OSBP: variants seen among roughly 807,000 people sequenced by gnomAD.
OSBP encodes the protein oxysterol binding protein.
A neutral mutation model predicts 96.6 loss-of-function variants in OSBP; 32 were observed. That is an observed-to-expected ratio of 0.33 (90% CI 0.25 to 0.45). OSBP has a LOEUF of 0.45. OSBP is among the 20% of genes least tolerant of loss of function. The probability of loss-of-function intolerance (pLI) is 1.00; values close to 1 mark genes in which losing one functional copy is unlikely to be tolerated. For missense variants in OSBP, 653 were observed against 1,029.7 expected, an observed-to-expected ratio of 0.63 and a Z score of 5.01; for synonymous variants, 369 against 389.6, an observed-to-expected ratio of 0.95 and a Z score of 0.62.
At chr11:59,607,957 A>G (rs961368033) in intron 3 of OSBP, among the ~76,000 whole-genome samples, 3 of 152,210 alleles carry the variant, frequency 2.0e-5, no homozygotes, top group African/African-American at 7.2e-5. Context: ...AACTAGTACT[A>G]TAAGGTTCTC....
intron 1 of OSBP, among the ~76,000 whole-genome samples, chr11:59,613,223 G>C (rs1031480875): frequency 3.3e-5 from 5 of 152,152 alleles, no homozygotes; most frequent in Non-Finnish European, 7.4e-5. Context: ...TTTATGGGTG[G>C]GACCACCTAA....
chr11:59,578,205 C>G lies in OSBP; in HGVS notation c.2004G>C (p.Gln668His), dbSNP rs2134649972. 1 of 1,614,220 alleles carries G rather than the reference C, an allele frequency of 6.2e-7. No individual in the cohort carries two copies. Among genetic ancestry groups the G allele is most frequent in the South Asian group, 1.1e-5 (1 of 91,088 alleles). The change falls in exon 12 of 14, where the codon CAG becomes CAC. Residue 668 changes from glutamine (Q) to histidine (H), a missense_variant. Physicochemically the swap from Gln to His is conservative, Grantham distance 24. Around this residue, in one of 6 missense-constraint regions of OSBP, gnomAD observed 169 missense variants for 251.5 expected, o/e 0.67. Transcript: ENST00000263847. Reference sequence around the variant, plus strand: ...TGCTTTCCTCTGCTTCATGGCCTCTCTGTCGAGCATCACCCCCATTTTCCC... The same window carrying G: ...TGCTTTCCTCTGCTTCATGGCCTCTGTGTCGAGCATCACCCCCATTTTCCC... ...VIGENGGDAR[Q>H]RGHEAEESRV... is the part of the protein sequence containing the mutation.
intron 9 of OSBP, among the ~76,000 whole-genome samples, chr11:59,584,622 G>C (rs1313485939): frequency 6.6e-6 from 1 of 152,150 alleles, no homozygotes; most frequent in Non-Finnish European, 1.5e-5. Flanking sequence ...CAACGAGCTA[G>C]AAATACAAGG....
intron 9 of OSBP, among the ~76,000 whole-genome samples, chr11:59,585,060 C>T (rs925280514): frequency 1.8e-4 from 27 of 152,180 alleles, no homozygotes; most frequent in African/African-American, 5.1e-4. Context: ...GCCGCCACCC[C>T]GTCTGGGAAG....
At chr11:59,580,817 C>A (rs190158801) in intron 10 of OSBP, among the ~76,000 whole-genome samples, 130 of 152,302 alleles carry the variant, frequency 8.5e-4, no homozygotes, top group African/African-American at 3.0e-3. Flanking sequence ...ACATGCCCAG[C>A]CCATTTTCCC....
chr11:59,601,170 A>G, intron 5 of OSBP, 113 bp downstream of exon 5: 1 of 661,884 alleles, frequency 1.5e-6, no homozygotes, highest in South Asian at 1.9e-5. Flanking sequence ...GACAATTATA[A>G]TACTCTCACT....
chr11:59,610,224 C>A (rs1051866087), intron 2 of OSBP, among the ~76,000 whole-genome samples, 157 bp downstream of exon 2: 1 of 152,182 alleles, frequency 6.6e-6, no homozygotes, highest in East Asian at 1.9e-4. Context: ...TGGTTGAGAA[C>A]CATCACTCCA....
At chr11:59,605,442 G>A (rs1051373281) in intron 3 of OSBP, among the ~76,000 whole-genome samples, 1 of 151,666 alleles carries the variant, frequency 6.6e-6, no homozygotes, top group African/African-American at 2.4e-5. Context: ...ACAGAGTCTC[G>A]CTCTGTCACC....
chr11:59,580,421 T>C, intron 10 of OSBP, 152 bp from the exon 11 acceptor site: 1 of 625,452 alleles, frequency 1.6e-6, no homozygotes, highest in Non-Finnish European at 2.8e-6. Flanking sequence ...TGCTATAGAA[T>C]CCCTATGTAA....
chr11:59,598,198 A>G (rs1428705519), intron 7 of OSBP, among the ~76,000 whole-genome samples: 1 of 152,188 alleles, frequency 6.6e-6, no homozygotes, highest in African/African-American at 2.4e-5. Context: ...AATTACTTCG[A>G]CATTTGCTAA....
At chr11:59,592,847 G>A (rs983122933) in intron 9 of OSBP, among the ~76,000 whole-genome samples, 2 of 151,186 alleles carry the variant, frequency 1.3e-5, no homozygotes, top group African/African-American at 4.9e-5. Flanking sequence ...CCAGGCTGGA[G>A]TGCAATAGTG....
chr11:59,615,735 C>A lies in OSBP; in HGVS notation c.-71G>T, dbSNP rs188776408. ...GCCGCCGTCGCCGCCCGGAGCGCCCCACACGGCTACCGCATCAGCCACCGC... is the reference window on the plus strand; with the variant it reads ...GCCGCCGTCGCCGCCCGGAGCGCCCAACACGGCTACCGCATCAGCCACCGC... On this transcript the variant is annotated 5_prime_UTR_variant, in exon 1 of 14. Transcript: ENST00000263847. 8.4e-4 allele frequency: 1,036 copies of A among 1,238,274 alleles called. 7 individuals carry two copies. In the African/African-American group the frequency reaches 0.013, roughly 15 times the overall value. The allele number at this position is 1,238,274 out of a possible 1,614,324, so 76.7% of individuals were successfully genotyped here.
intron 9 of OSBP, among the ~76,000 whole-genome samples, chr11:59,592,665 T>A (rs1860599802): frequency 6.6e-6 from 1 of 152,232 alleles, no homozygotes; most frequent in Non-Finnish European, 1.5e-5. Context: ...AGCTCTACCA[T>A]ACTTTTTGAA....
At chr11:59,596,133 G>A (rs1860652225) in intron 7 of OSBP, among the ~76,000 whole-genome samples, 1 of 151,732 alleles carries the variant, frequency 6.6e-6, no homozygotes, top group African/African-American at 2.4e-5. Context: ...AAAACAGTGT[G>A]CCATACCCCA....
chr11:59,585,910 G>C (rs1860494120), intron 9 of OSBP, among the ~76,000 whole-genome samples: 1 of 152,150 alleles, frequency 6.6e-6, no homozygotes, highest in Non-Finnish European at 1.5e-5. Context: ...GTCCACTCAG[G>C]GTTAAATGGA....
rs770727659 is a variant in OSBP at position 59,615,453 on chromosome 11, G to A, written c.212C>T (p.Ala71Val). ...GAGGVAAAGP[A>V]PAPPTGGSGG... ...CGAGCCCCCAGTCGGCGGCGCAGGG[G>A]CCGGGCCAGCCGCCGCCACTCCCCC... Residue 71 changes from alanine to valine, a missense_variant, in exon 1 of 14, where the codon GCC becomes GTC. Ala to Val is a moderately conservative substitution (Grantham distance 64). Around this residue, in one of 6 missense-constraint regions of OSBP, gnomAD observed 151 missense variants for 146.1 expected, o/e 1.03. Transcript: ENST00000263847. 1.4e-5 allele frequency: 18 copies of A among 1,331,334 alleles called. No individual in the cohort carries two copies. In the South Asian group the frequency reaches 2.7e-4, roughly 20 times the overall value. 82.5% of individuals were successfully genotyped at this position (1,331,334 alleles called of 1,614,324 possible).
chr11:59,589,100 G>A (rs898121888), intron 9 of OSBP, among the ~76,000 whole-genome samples: 10 of 150,352 alleles, frequency 6.7e-5, no homozygotes, highest in Non-Finnish European at 8.9e-5. Flanking sequence ...AGAAGGCAGT[G>A]GGATAATATA....
At chr11:59,608,016 G>T (rs992244099) in intron 3 of OSBP, among the ~76,000 whole-genome samples, 2 of 152,146 alleles carry the variant, frequency 1.3e-5, no homozygotes, top group African/African-American at 2.4e-5. Context: ...GCCTGAATGC[G>T]TTAGTAAAGT....
At chr11:59,599,668 C>A (rs77739092) in intron 7 of OSBP, among the ~76,000 whole-genome samples, 1 of 152,106 alleles carries the variant, frequency 6.6e-6, no homozygotes, top group Non-Finnish European at 1.5e-5. Flanking sequence ...AAAAGACACA[C>A]TATAGCTGCA....
Sources: gnomAD v4.1 joint callset for allele counts (sites outside exome capture counted in the v4.1 genomes callset) on GRCh38, gnomAD v4.1.1 for gene constraint, gnomAD v4.1.1 regional missense constraint, MANE v1.5 for transcripts, NCBI Gene and HGNC (gene_info 2026-07-23, HGNC 2026-07-21) for gene names.